The following IGSF3 variants were observed in gnomAD, a reference collection of about 807,000 sequenced individuals.
IGSF3 encodes the protein glu-Trp-Ile EWI motif-containing protein 3.
Under a neutral mutation model 114.4 loss-of-function variants are expected in IGSF3, and 23 were observed. That is an observed-to-expected ratio of 0.20 (90% confidence interval 0.14 to 0.28). The LOEUF is 0.28. Ranked by LOEUF, IGSF3 falls within the 10% of genes least tolerant of loss-of-function variation. The probability of loss-of-function intolerance (pLI) is 1.00; values close to 1 mark genes in which losing one functional copy is unlikely to be tolerated. For synonymous variants in IGSF3, 571 were observed against 645.2 expected, an observed-to-expected ratio of 0.88 and a Z score of 1.74; for missense variants, 1,172 against 1,591.5, an observed-to-expected ratio of 0.74 and a Z score of 4.48.
intron 2 of IGSF3, among the ~76,000 whole-genome samples, chr1:116,660,485 T>TTG (rs1649066600): frequency 1.4e-5 from 2 of 145,284 alleles, no homozygotes; most frequent in South Asian, 4.6e-4. Flanking sequence ...TTTTCTTTTT[T>TTG]TTTTTTTTTT....
chr1:116,615,169 G>A lies in IGSF3; in HGVS notation c.421+911C>T, dbSNP rs965448987. Among the ~76,000 whole-genome samples, 2 of 152,150 alleles carry A rather than the reference G, an allele frequency of 1.3e-5. No individual in the cohort carries two copies. The highest frequency in any genetic ancestry group is 4.8e-5 in the African/African-American group (2 of 41,416). On this transcript the variant is annotated intron_variant, in intron 3 of 10. Coordinates refer to ENST00000369486, the MANE Select transcript of IGSF3 (RefSeq NM_001007237.3). The surrounding 1 kb of genome is among the most constrained non-coding windows in gnomAD (Gnocchi z 4.3). ...CATGCCTGTAATCCCAGCTACTCGG[G>A]AGGCTGAGGCAGAAGAATTGCTTGA...
chr1:116,596,648 T>C lies in IGSF3; in HGVS notation c.2029+3293A>G, dbSNP rs538903352. Among the ~76,000 whole-genome samples the C allele has an allele frequency of 2.2e-4, 34 of 152,190 alleles. No homozygotes were observed. Among genetic ancestry groups the C allele is most frequent in the Admixed American group, 5.9e-4 (9 of 15,278 alleles). ...AGAGAGAGGAAACATTAAATACAAG[T>C]ATACAGTACCAAAGAGGATTCCTGA... is the stretch of plus-strand genomic sequence containing the variant. On this transcript the variant is annotated intron_variant, in intron 7 of 10. Transcript: ENST00000369486. The surrounding 1 kb of genome is among the most constrained non-coding windows in gnomAD (Gnocchi z 4.1).
rs775028765 is a variant in IGSF3 at position 116,607,056 on chromosome 1, A to C, written c.1222+886T>G. ...AAAACATATAAATAAAAAGTAAAGG[A>C]AATTATTACAAGGCTCAGAGAAAGA... is the stretch of plus-strand genomic sequence containing the variant. On this transcript the variant is annotated intron_variant, in intron 5 of 10. Coordinates refer to ENST00000369486, the MANE Select transcript of IGSF3 (RefSeq NM_001007237.3). The surrounding 1 kb of genome is among the most constrained non-coding windows in gnomAD (Gnocchi z 6.1). 6.6e-6 allele frequency among the ~76,000 whole-genome samples: 1 copy of C among 152,230 alleles called. No individual in the cohort carries two copies. The highest frequency in any genetic ancestry group is 1.5e-5 in the Non-Finnish European group (1 of 68,040).
intron 2 of IGSF3, among the ~76,000 whole-genome samples, chr1:116,639,382 A>G (rs1179017943): frequency 1.3e-5 from 2 of 152,166 alleles, no homozygotes; most frequent in Non-Finnish European, 2.9e-5. Flanking sequence ...CCTAAATTCT[A>G]CTGTGCCTTT....
At position 116,588,505 on chromosome 1, in the gene IGSF3, C is replaced by G. The variant is rs1659947605; in HGVS notation, c.2440+189G>C. Among the ~76,000 whole-genome samples, 1 of 152,194 alleles carries G rather than the reference C, an allele frequency of 6.6e-6. No homozygotes were observed. The highest frequency in any genetic ancestry group is 2.4e-5 in the African/African-American group (1 of 41,432). On this transcript the variant is annotated intron_variant, in intron 8 of 10. Coordinates refer to ENST00000369486, the MANE Select transcript of IGSF3 (RefSeq NM_001007237.3). The surrounding 1 kb of genome is among the most constrained non-coding windows in gnomAD (Gnocchi z 4.9). ...GCTTCCATGAGTCTGCCGTCAGCATCAGGACCCACTGCAGGTAAAATGGAT... is the reference window on the plus strand; with the variant it reads ...GCTTCCATGAGTCTGCCGTCAGCATGAGGACCCACTGCAGGTAAAATGGAT...
chr1:116,608,150 G>A lies in IGSF3; in HGVS notation c.1014C>T (p.Ser338=), dbSNP rs553010523. 22 of 1,613,542 alleles carry A rather than the reference G, an allele frequency of 1.4e-5. No individual in the cohort carries two copies. The highest frequency in any genetic ancestry group is 8.0e-5 in the African/African-American group (6 of 74,998). Residue 338 remains serine, a synonymous_variant, in exon 5 of 11, where the codon AGC becomes AGT. Transcript: ENST00000369486. ...MGPNAVPVLN[S]EFAHREARGQ... is the part of the protein sequence containing the mutation. ...CCCTGGCTTCCCGGTGAGCAAATTC[G>A]CTGTTGAGGACAGGCACAGCGTTAG...
intron 2 of IGSF3, among the ~76,000 whole-genome samples, chr1:116,645,986 T>C (rs911230912): frequency 2.0e-5 from 3 of 152,112 alleles, no homozygotes; most frequent in African/African-American, 7.2e-5. Context: ...GGGCACAAAG[T>C]GGGAGCCAGG....
At position 116,608,141 on chromosome 1, in the gene IGSF3, A is replaced by G. The variant is rs1449529429; in HGVS notation, c.1023T>C (p.Ala341=). ...NAVPVLNSEF[A]HREARGQLKV... is the part of the protein sequence containing the mutation. ...TAAGCTGTCCCCTGGCTTCCCGGTGAGCAAATTCGCTGTTGAGGACAGGCA... is the reference window on the plus strand; with the variant it reads ...TAAGCTGTCCCCTGGCTTCCCGGTGGGCAAATTCGCTGTTGAGGACAGGCA... The change falls in exon 5 of 11, where the codon GCT becomes GCC. Residue 341 remains alanine, a synonymous_variant. Transcript: ENST00000369486. 6.2e-7 allele frequency: 1 copy of G among 1,613,860 alleles called. No homozygotes were observed.
rs576312841 is a variant in IGSF3 at position 116,585,406 on chromosome 1, C to A, written c.2441-354G>T. 2.0e-5 allele frequency among the ~76,000 whole-genome samples: 3 copies of A among 151,938 alleles called. No individual in the cohort carries two copies. The highest frequency in any genetic ancestry group is 2.9e-5 in the Non-Finnish European group (2 of 67,970). On this transcript the variant is annotated intron_variant, in intron 8 of 10. Coordinates refer to ENST00000369486, the MANE Select transcript of IGSF3 (RefSeq NM_001007237.3). The surrounding 1 kb of genome is among the most constrained non-coding windows in gnomAD (Gnocchi z 4.9). ...GGCCGGGGCAGGTGGCTGGGAAGGG[C>A]GGGGGAAGGGGATGGTGAGAAACCT...
chr1:116,613,816 C>A lies in IGSF3; in HGVS notation c.781G>T (p.Ala261Ser). 1 of 1,613,966 alleles carries A rather than the reference C, an allele frequency of 6.2e-7. No homozygotes were observed. Among genetic ancestry groups the A allele is most frequent in the Non-Finnish European group, 8.5e-7 (1 of 1,179,840 alleles). The change falls in exon 4 of 11, where the codon GCT becomes TCT. Residue 261 changes from alanine to serine, a missense_variant. Coordinates refer to ENST00000369486, the MANE Select transcript of IGSF3 (RefSeq NM_001007237.3). ...WIQDPDGSWY[A>S]MTRKRSEGAV... is the part of the protein sequence containing the mutation. ...CCCTCGGAACGCTTTCGGGTCATAG[C>A]ATACCACGACCCATCCGGATCCTGG...
rs4044791 is a variant in IGSF3 at position 116,628,079 on chromosome 1, C to A, written c.44-11622G>T. 1.3e-5 allele frequency among the ~76,000 whole-genome samples: 2 copies of A among 152,174 alleles called. No homozygotes were observed. The highest frequency in any genetic ancestry group is 1.3e-4 in the Admixed American group (2 of 15,280). ...GCTGGATAATCGCAATAAGCAGAGC[C>A]CCAATAACTAGCTCCAGTGTGTGGG... On this transcript the variant is annotated intron_variant, in intron 2 of 10. Transcript: ENST00000369486. This position sits in a 1 kb window ranked among gnomAD's most constrained non-coding sequence, Gnocchi z 4.2.
At position 116,576,278 on chromosome 1, in the gene IGSF3, C is replaced by T. The variant is rs1659340240; in HGVS notation, c.*1034G>A. 6.6e-6 allele frequency: 1 copy of T among 152,636 alleles called. No homozygotes were observed. Among genetic ancestry groups the T allele is most frequent in the Non-Finnish European group, 1.5e-5 (1 of 68,088 alleles). 9.5% of individuals were successfully genotyped at this position (152,636 alleles called of 1,614,324 possible). A position where few individuals can be genotyped will look rare whatever the true frequency, so the allele number is the denominator to read the frequency against. On this transcript the variant is annotated 3_prime_UTR_variant, in exon 11 of 11. Transcript: ENST00000369486. This position sits in a 1 kb window ranked among gnomAD's most constrained non-coding sequence, Gnocchi z 4.6. ...ATGGCTGCTTTGGCCCTGTGCTCAG[C>T]TCAGGGGCCCACTTCCAAGTTCACT...
In IGSF3 at chr1:116,666,546, G is replaced by C. The variant is rs1229981914; in HGVS notation, c.-220C>G. The stretch of plus-strand genomic sequence containing the variant: ...TGAAAACTCCCCTATGCTACAGGAA[G>C]GGTCCACAACAATTCGGAAGTCGCT... On this transcript the variant is annotated 5_prime_UTR_variant, in exon 2 of 11. Coordinates refer to ENST00000369486, the MANE Select transcript of IGSF3 (RefSeq NM_001007237.3). The C allele has an allele frequency of 8.2e-6, 5 of 612,718 alleles. No homozygotes were observed. In the Admixed American group the frequency reaches 1.5e-4, roughly 18 times the overall value. The allele number at this position is 612,718 out of a possible 1,614,324, so 38.0% of individuals were successfully genotyped here. A position where few individuals can be genotyped will look rare whatever the true frequency, so the allele number is the denominator to read the frequency against.
rs779443186 is a variant in IGSF3 at position 116,588,737 on chromosome 1, T to G, written c.2397A>C (p.Ala799=). 3 of 1,613,328 alleles carry G rather than the reference T, an allele frequency of 1.9e-6. No individual in the cohort carries two copies. In the Admixed American group the frequency reaches 5.0e-5, roughly 27 times the overall value. ...LSPNYAWYKL[A]EEVSGRTEVT... ...CTTCTGTGCGCCCAGAAACCTCCTC[T>G]GCCAGCTTGTACCAGGCGTAGTTGG... Residue 799 remains alanine, a synonymous_variant, in exon 8 of 11, where the codon GCA becomes GCC. Transcript: ENST00000369486. This position sits in a 1 kb window ranked among gnomAD's most constrained non-coding sequence, Gnocchi z 4.9.
chr1:116,666,264 T>C lies in IGSF3; in HGVS notation c.43+20A>G, dbSNP rs201770213. Reference sequence around the variant, plus strand: ...GGTTAAACTTTCACATCGATTGCACTGATAAGCAGAGCCACTTACCCAGCA... The same window carrying C: ...GGTTAAACTTTCACATCGATTGCACCGATAAGCAGAGCCACTTACCCAGCA... On this transcript the variant is annotated intron_variant, in intron 2 of 10. Transcript: ENST00000369486. 1.1e-4 allele frequency: 171 copies of C among 1,611,808 alleles called. 1 individual carries two copies. The highest frequency in any genetic ancestry group is 2.2e-5 in the East Asian group (1 of 44,872).
rs1660352710 is a variant in IGSF3, at chr1:116,596,517, C to G, written c.2029+3424G>C. Among the ~76,000 whole-genome samples the G allele has an allele frequency of 6.6e-6, 1 of 152,208 alleles. No individual in the cohort carries two copies. Among genetic ancestry groups the G allele is most frequent in the African/African-American group, 2.4e-5 (1 of 41,444 alleles). Reference sequence around the variant, plus strand: ...CAAGATAAAACTTCTACACCATCAGCAAACTGTGTCTTGAGGAACCTCTAC... The same window carrying G: ...CAAGATAAAACTTCTACACCATCAGGAAACTGTGTCTTGAGGAACCTCTAC... On this transcript the variant is annotated intron_variant, in intron 7 of 10. Coordinates refer to ENST00000369486, the MANE Select transcript of IGSF3 (RefSeq NM_001007237.3). This position sits in a 1 kb window ranked among gnomAD's most constrained non-coding sequence, Gnocchi z 4.1.
Position 116,632,244 on chromosome 1 carries a change from C to G in IGSF3, c.44-15787G>C, listed in dbSNP as rs1182754684. The stretch of plus-strand genomic sequence containing the variant: ...AGATTTAAAATACTTGCATGGTAAT[C>G]GAAACCAGAAAATGCTGACCATCCC... On this transcript the variant is annotated intron_variant, in intron 2 of 10. Coordinates refer to ENST00000369486, the MANE Select transcript of IGSF3 (RefSeq NM_001007237.3). The surrounding 1 kb of genome is among the most constrained non-coding windows in gnomAD (Gnocchi z 5.1). Among the ~76,000 whole-genome samples, 1 of 152,138 alleles carries G rather than the reference C, an allele frequency of 6.6e-6. No homozygotes were observed. The highest frequency in any genetic ancestry group is 6.5e-5 in the Admixed American group (1 of 15,286).
rs550381850 is a variant in IGSF3 at position 116,617,306 on chromosome 1, G to A, written c.44-849C>T. The A allele has an allele frequency of 3.8e-5, 37 of 984,136 alleles. 1 individual carries two copies. In the South Asian group the frequency reaches 1.5e-3, roughly 40 times the overall value. 61.0% of individuals were successfully genotyped at this position (984,136 alleles called of 1,614,324 possible). A position where few individuals can be genotyped will look rare whatever the true frequency, so the allele number is the denominator to read the frequency against. ...CTCCATGTTCTTCTTAAAGTGGCAT[G>A]GTGAGTTTAATTTCTCATTTCACGC... On this transcript the variant is annotated intron_variant, in intron 2 of 10. Coordinates refer to ENST00000369486, the MANE Select transcript of IGSF3 (RefSeq NM_001007237.3).
rs1661199850 is a variant in IGSF3, at chr1:116,615,962, A to C, written c.421+118T>G. The C allele has an allele frequency of 1.3e-6, 1 of 743,824 alleles. No homozygotes were observed. The highest frequency in any genetic ancestry group is 1.8e-5 in the African/African-American group (1 of 56,564). The allele number at this position is 743,824 out of a possible 1,614,324, so 46.1% of individuals were successfully genotyped here. A position where few individuals can be genotyped will look rare whatever the true frequency, so the allele number is the denominator to read the frequency against. ...CTTGTGCTATCTGTTGACCCCTAAA[A>C]TATGTTGGGAGTTTTGGGATTTTTT... On this transcript the variant is annotated intron_variant, in intron 3 of 10. Coordinates refer to ENST00000369486, the MANE Select transcript of IGSF3 (RefSeq NM_001007237.3). This position sits in a 1 kb window ranked among gnomAD's most constrained non-coding sequence, Gnocchi z 4.3.
Sources: gnomAD v4.1 joint callset for allele counts (sites outside exome capture counted in the v4.1 genomes callset) on GRCh38, gnomAD v4.1.1 for gene constraint, Gnocchi (gnomAD v3.1) non-coding constraint, MANE v1.5 for transcripts, NCBI Gene and HGNC (gene_info 2026-07-23, HGNC 2026-07-21) for gene names.